Variants in WWOX observed in about 807,000 individuals in gnomAD.
WWOX encodes the protein WW domain containing oxidoreductase.
A neutral mutation model predicts 46.2 loss-of-function variants in WWOX; 69 were observed. The observed-to-expected ratio is 1.49, with a 90% confidence interval of 1.23 to 1.82. WWOX has a LOEUF of 1.82. WWOX is among the 40% of genes most tolerant of loss of function. The pLI is 0.00. For missense variants in WWOX, 919 were observed against 542.6 expected (o/e 1.69, Z -6.89); for synonymous variants, 359 against 202.6 (o/e 1.77, Z -6.56).
At chr16:78,486,996 G>T (rs186055432) in intron 8 of WWOX, among the ~76,000 whole-genome samples, 1 of 152,138 alleles carries the variant, frequency 6.6e-6, no homozygotes, top group African/African-American at 2.4e-5. Flanking sequence ...GAGCTGCTTC[G>T]CATCCTGCTA....
At chr16:78,735,937 G>A (rs1375554018) in intron 8 of WWOX, among the ~76,000 whole-genome samples, 1 of 151,986 alleles carries the variant, frequency 6.6e-6, no homozygotes, top group Non-Finnish European at 1.5e-5. Context: ...CCTCCGAATA[G>A]GTGGGCCTTC....
intron 8 of WWOX, among the ~76,000 whole-genome samples, chr16:78,708,128 C>G (rs1462901258): frequency 6.6e-6 from 1 of 152,064 alleles, no homozygotes; most frequent in Non-Finnish European, 1.5e-5. Context: ...GAATTTGAGG[C>G]TGCAGTGAGC....
chr16:78,767,678 TC>T (rs2049957447), intron 8 of WWOX, among the ~76,000 whole-genome samples: 1 of 152,112 alleles, frequency 6.6e-6, no homozygotes, highest in Non-Finnish European at 1.5e-5. Flanking sequence ...CATTTTACAT[TC>T]CCACCAGCAG....
At chr16:78,647,535 G>C (rs1189342444) in intron 8 of WWOX, among the ~76,000 whole-genome samples, 2 of 152,198 alleles carry the variant, frequency 1.3e-5, no homozygotes, top group African/African-American at 4.8e-5. Flanking sequence ...GGTATGCTAA[G>C]CCTAATCTCC....
chr16:78,797,550 G>T (rs552313768), intron 8 of WWOX, among the ~76,000 whole-genome samples: 7 of 152,210 alleles, frequency 4.6e-5, no homozygotes, highest in African/African-American at 1.2e-4. Flanking sequence ...TCCAACTCCA[G>T]TCTGGCTGCT....
chr16:78,847,720 A>G (rs374759569), intron 8 of WWOX, among the ~76,000 whole-genome samples: 2 of 152,230 alleles, frequency 1.3e-5, no homozygotes, highest in African/African-American at 4.8e-5. Context: ...AATAACAACT[A>G]AAGGCTAGGA....
At chr16:78,680,474 T>C (rs2047703306) in intron 8 of WWOX, among the ~76,000 whole-genome samples, 1 of 152,004 alleles carries the variant, frequency 6.6e-6, no homozygotes, top group African/African-American at 2.4e-5. Context: ...GGTAGAGGCA[T>C]GATCATGCCA....
chr16:78,425,471 T>A (rs962918962), intron 7 of WWOX, among the ~76,000 whole-genome samples: 1 of 152,116 alleles, frequency 6.6e-6, no homozygotes, highest in Admixed American at 6.5e-5. Flanking sequence ...AATGAGAAAT[T>A]AGGGAATTCG....
At chr16:79,109,707 T>C (rs2049380208) in intron 8 of WWOX, among the ~76,000 whole-genome samples, 1 of 152,238 alleles carries the variant, frequency 6.6e-6, no homozygotes, top group Non-Finnish European at 1.5e-5. Context: ...ATGATATTCA[T>C]AGAACAACTC....
intron 8 of WWOX, among the ~76,000 whole-genome samples, chr16:78,881,552 T>A (rs1360368056): frequency 6.6e-6 from 1 of 152,230 alleles, no homozygotes; most frequent in Non-Finnish European, 1.5e-5. Context: ...GAATAGTCTC[T>A]AACCTCAAGG....
At chr16:78,700,687 G>T (rs148797296) in intron 8 of WWOX, among the ~76,000 whole-genome samples, 2 of 152,228 alleles carry the variant, frequency 1.3e-5, no homozygotes, top group East Asian at 3.9e-4. Context: ...GGCATTCCTG[G>T]GCCTGCAGTG....
intron 8 of WWOX, among the ~76,000 whole-genome samples, chr16:78,488,444 G>A (rs2084694192): frequency 6.6e-6 from 1 of 152,072 alleles, no homozygotes; most frequent in Non-Finnish European, 1.5e-5. Flanking sequence ...GGACCCAAGA[G>A]TGCTGAGATT....
intron 8 of WWOX, among the ~76,000 whole-genome samples, chr16:78,832,603 G>T (rs538092818): frequency 6.6e-6 from 1 of 152,114 alleles, no homozygotes; most frequent in African/African-American, 2.4e-5. Flanking sequence ...GGCATGGAGT[G>T]TGGGAAAATG....
chr16:78,132,708 T>C (rs1362229709), intron 4 of WWOX, among the ~76,000 whole-genome samples: 2 of 152,164 alleles, frequency 1.3e-5, no homozygotes, highest in Non-Finnish European at 2.9e-5. Flanking sequence ...CTGGGTTTCT[T>C]TTAGTTGGCT....
intron 8 of WWOX, among the ~76,000 whole-genome samples, chr16:78,842,904 C>T (rs896267094): frequency 1.1e-4 from 16 of 149,634 alleles, no homozygotes; most frequent in African/African-American, 2.9e-4. Flanking sequence ...ACTTAAAATA[C>T]GCTCTCTAGA....
chr16:78,391,169 C>G (rs566059124), intron 6 of WWOX, among the ~76,000 whole-genome samples: 1 of 152,170 alleles, frequency 6.6e-6, no homozygotes, highest in East Asian at 1.9e-4. Flanking sequence ...TCCTGGATCT[C>G]TTCTTTTTAT....
At chr16:78,492,456 G>T (rs1192592114) in intron 8 of WWOX, among the ~76,000 whole-genome samples, 2 of 152,124 alleles carry the variant, frequency 1.3e-5, no homozygotes, top group Non-Finnish European at 1.5e-5. Context: ...AACATATTCA[G>T]CATCCAATCC....
chr16:78,379,037 C>T (rs1224000965), intron 5 of WWOX, among the ~76,000 whole-genome samples: 1 of 152,168 alleles, frequency 6.6e-6, no homozygotes, highest in East Asian at 1.9e-4. Flanking sequence ...CTGTGTCTTA[C>T]TAGCTTGGCC....
intron 8 of WWOX, among the ~76,000 whole-genome samples, chr16:79,175,155 A>G (rs1186900834): frequency 1.3e-5 from 2 of 152,188 alleles, no homozygotes; most frequent in Middle Eastern, 3.2e-3. Flanking sequence ...AAGTTGAACA[A>G]CTCTGCCTTA....
Sources: allele counts gnomAD v4.1 joint callset (sites outside exome capture counted in the v4.1 genomes callset), GRCh38; gene constraint gnomAD v4.1.1; transcripts MANE v1.5; gene names NCBI Gene and HGNC (gene_info 2026-07-23, HGNC 2026-07-21).